The following ERC2 variants were observed in gnomAD, a reference collection of about 807,000 sequenced individuals.
ERC2 encodes the protein ERC protein 2.
ERC2 carries 42 observed loss-of-function variants against 114.8 expected under a neutral mutation model. The ratio of observed to expected loss-of-function variants is 0.37; its 90% confidence interval spans 0.29 to 0.47. ERC2 has a LOEUF of 0.47. Among genes scored for constraint, ERC2 ranks in the 20% least tolerant of loss-of-function variants. The pLI, the probability that ERC2 is intolerant of heterozygous loss-of-function variation, is 0.99. For missense variants in ERC2, 939 were observed against 1,150.7 expected, an observed-to-expected ratio of 0.82 and a Z score of 2.66; for synonymous variants, 454 against 425.5, an observed-to-expected ratio of 1.07 and a Z score of -0.82.
At chr3:56,377,434 TA>T (rs1343058556) in intron 2 of ERC2, among the ~76,000 whole-genome samples, 1 of 152,202 alleles carries the variant, frequency 6.6e-6, no homozygotes, top group Non-Finnish European at 1.5e-5. Flanking sequence ...TTTATAATAT[TA>T]AGATTGTTGC....
intron 13 of ERC2, among the ~76,000 whole-genome samples, chr3:55,922,609 G>C (rs2065492837): frequency 6.6e-6 from 1 of 151,998 alleles, no homozygotes; most frequent in Non-Finnish European, 1.5e-5. Flanking sequence ...TTTCCTCTCA[G>C]ATGTTCCTGG....
intron 17 of ERC2, among the ~76,000 whole-genome samples, chr3:55,544,804 T>C: frequency 6.6e-6 from 1 of 152,196 alleles, no homozygotes; most frequent in Admixed American, 6.5e-5. Flanking sequence ...TGCTGCCTGT[T>C]ACGTGCCTGA....
intron 3 of ERC2, among the ~76,000 whole-genome samples, chr3:56,249,933 C>T (rs535570266): frequency 1.8e-3 from 255 of 143,962 alleles, no homozygotes; most frequent in African/African-American, 6.2e-3. Context: ...TATCGGCTCA[C>T]CACAACCTCC....
intron 7 of ERC2, among the ~76,000 whole-genome samples, chr3:56,033,233 A>C (rs1038649055): frequency 1.3e-5 from 2 of 152,118 alleles, no homozygotes; most frequent in Admixed American, 1.3e-4. Flanking sequence ...CTCTACAAAA[A>C]AGGAAAAAAG....
chr3:55,578,385 A>C (rs1356705062), intron 17 of ERC2, among the ~76,000 whole-genome samples: 1 of 152,156 alleles, frequency 6.6e-6, no homozygotes, highest in Non-Finnish European at 1.5e-5. Context: ...ACTGTGCTCC[A>C]GGAAAGCTCT....
intron 14 of ERC2, among the ~76,000 whole-genome samples, chr3:55,871,013 T>C (rs956421503): frequency 1.3e-5 from 2 of 152,206 alleles, no homozygotes; most frequent in Non-Finnish European, 2.9e-5. Context: ...GATTTGAAAG[T>C]CAATTCAAGC....
intron 6 of ERC2, among the ~76,000 whole-genome samples, chr3:56,103,626 G>A (rs1398411742): frequency 1.3e-5 from 2 of 152,148 alleles, no homozygotes; most frequent in Admixed American, 1.3e-4. Context: ...GAGAGTGAGA[G>A]TGGCATCTAG....
At chr3:56,080,712 C>T in intron 7 of ERC2, 105 bp downstream of exon 7, 1 of 1,173,466 alleles carries the variant, frequency 8.5e-7, no homozygotes, top group Non-Finnish European at 1.2e-6. Flanking sequence ...CCTATTCTTC[C>T]TAAAGATTCG....
chr3:55,939,688 A>G (rs2149421233), intron 13 of ERC2, among the ~76,000 whole-genome samples: 1 of 152,338 alleles, frequency 6.6e-6, no homozygotes, highest in East Asian at 1.9e-4. Context: ...ACAGCTCACT[A>G]TGACCTGAAC....
rs897326874 is a variant in ERC2, at chr3:55,585,933, C to A, written c.*40-74657G>T. On this transcript the variant is annotated intron_variant, in intron 17 of 17. Coordinates refer to ENST00000288221, the MANE Select transcript of ERC2 (RefSeq NM_015576.3). ...GAACCGCAGAACGAAAATCAAAAAA[C>A]CAGACTGAAATAAAGTAAAGAAAAT... 2.5e-4 allele frequency among the ~76,000 whole-genome samples: 38 copies of A among 152,172 alleles called. 2 individuals carry two copies. Among genetic ancestry groups the A allele is most frequent in the Non-Finnish European group, 1.5e-5 (1 of 68,030 alleles).
chr3:55,813,751 G>T (rs531510282), intron 14 of ERC2, among the ~76,000 whole-genome samples: 3 of 152,122 alleles, frequency 2.0e-5, no homozygotes, highest in Non-Finnish European at 2.9e-5. Context: ...AAAATAAAAG[G>T]CTTGCCACAA....
intron 13 of ERC2, among the ~76,000 whole-genome samples, chr3:55,910,966 G>A (rs2064763326): frequency 6.6e-6 from 1 of 152,170 alleles, no homozygotes; most frequent in African/African-American, 2.4e-5. Context: ...CCAGGGATGA[G>A]GGATGCAATC....
At chr3:55,772,798 G>T (rs1440192501) in intron 14 of ERC2, among the ~76,000 whole-genome samples, 1 of 152,056 alleles carries the variant, frequency 6.6e-6, no homozygotes, top group South Asian at 2.1e-4. Flanking sequence ...CTTAGCTAAG[G>T]GTAATTCTAT....
chr3:55,913,074 C>G (rs1246852283), intron 13 of ERC2, among the ~76,000 whole-genome samples: 1 of 152,092 alleles, frequency 6.6e-6, no homozygotes, highest in Non-Finnish European at 1.5e-5. Context: ...CAGCCTTGAA[C>G]TCCTGGGCTC....
At chr3:55,997,907 TGTGTGTGTGTGTG>T (rs1559996764) in intron 10 of ERC2, among the ~76,000 whole-genome samples, 34 of 25,956 alleles carry the variant, frequency 1.3e-3, no homozygotes, top group Middle Eastern at 0.033. Context: ...TTTTTTTTTT[TGTGTGTGTGTGTG>T]TGTTTTTTGT....
rs529135688 is a variant in ERC2 at position 56,325,549 on chromosome 3, A to G, written c.658-29114T>C. 7.9e-5 allele frequency among the ~76,000 whole-genome samples: 12 copies of G among 152,352 alleles called. 1 individual carries two copies. The highest frequency in any genetic ancestry group is 2.9e-4 in the African/African-American group (12 of 41,596). On this transcript the variant is annotated intron_variant, in intron 2 of 17. Transcript: ENST00000288221. ...TATTTCTTCTATTAGTGAATTTACT[A>G]GATGTCTTCTATACATTGTAAATGT...
chr3:55,788,659 C>A (rs185874419), intron 14 of ERC2, among the ~76,000 whole-genome samples: 1 of 152,170 alleles, frequency 6.6e-6, no homozygotes, highest in Non-Finnish European at 1.5e-5. Flanking sequence ...TTTGAACACA[C>A]CCTACCTCTC....
intron 13 of ERC2, among the ~76,000 whole-genome samples, chr3:55,923,138 A>C (rs2065532328): frequency 6.6e-6 from 1 of 152,160 alleles, no homozygotes; most frequent in South Asian, 2.1e-4. Context: ...CCAAGTGTCT[A>C]TTGAAGATGA....
At chr3:55,687,488 T>C (rs2062394915) in intron 16 of ERC2, among the ~76,000 whole-genome samples, 1 of 152,114 alleles carries the variant, frequency 6.6e-6, no homozygotes, top group Non-Finnish European at 1.5e-5. Context: ...ACTCCTGTCC[T>C]AGAAAGGAAA....
Sources: gnomAD v4.1 joint callset for allele counts (sites outside exome capture counted in the v4.1 genomes callset) on GRCh38, gnomAD v4.1.1 for gene constraint, MANE v1.5 for transcripts, NCBI Gene and HGNC (gene_info 2026-07-23, HGNC 2026-07-21) for gene names.